Variants in NRG1 observed in about 807,000 individuals in gnomAD.
NRG1 encodes pro-neuregulin-1, membrane-bound isoform.
Under a neutral mutation model 63.8 loss-of-function variants are expected in NRG1, and 18 were observed. That is an observed-to-expected ratio of 0.28 (90% CI 0.19 to 0.42). The LOEUF is 0.42. Ranked by LOEUF, NRG1 falls within the 10% of genes least tolerant of loss-of-function variation. The pLI, the probability that NRG1 is intolerant of heterozygous loss-of-function variation, is 1.00. For missense variants in NRG1, 762 were observed against 814.7 expected (o/e 0.94, Z 0.79); for synonymous variants, 302 against 301.3 (o/e 1.00, Z -0.02).
In NRG1 at chr8:32,043,010, A is replaced by G. The variant is rs373552579; in HGVS notation, c.37+403579A>G. On this transcript the variant is annotated intron_variant, in intron 1 of 10. Coordinates refer to the NRG1 transcript ENST00000519301. The stretch of plus-strand genomic sequence containing the variant: ...TGTGTATGAACATGTACACAAACGT[A>G]TATAAACACCCTTATGTTTGAAGAA... Among the ~76,000 whole-genome samples, 7 of 132,600 alleles carry G rather than the reference A, an allele frequency of 5.3e-5. No homozygotes were observed. In the East Asian group the frequency reaches 1.1e-3, roughly 20 times the overall value. The allele number at this position is 132,600 out of a possible 152,430, so 87.0% of individuals were successfully genotyped here. A position where few individuals can be genotyped will look rare whatever the true frequency, so the allele number is the denominator to read the frequency against.
At chr8:32,263,067 T>A (rs1394108580) in intron 1 of NRG1, among the ~76,000 whole-genome samples, 1 of 152,216 alleles carries the variant, frequency 6.6e-6, no homozygotes, top group Non-Finnish European at 1.5e-5. Context: ...GAAATCTTTA[T>A]CTGATCTGTT....
intron 1 of NRG1, among the ~76,000 whole-genome samples, chr8:31,908,409 T>C (rs1011605239): frequency 6.6e-6 from 1 of 152,128 alleles, no homozygotes; most frequent in Admixed American, 6.5e-5. Context: ...TAGGGCTCCA[T>C]TTGTATGGAG....
intron 1 of NRG1, among the ~76,000 whole-genome samples, chr8:31,954,495 G>T (rs1804039794): frequency 6.6e-6 from 1 of 152,180 alleles, no homozygotes; most frequent in Non-Finnish European, 1.5e-5. Context: ...AGGTTCTCAA[G>T]AGGCATTTGT....
At chr8:32,094,653 A>T (rs1047630518) in intron 1 of NRG1, among the ~76,000 whole-genome samples, 1 of 152,148 alleles carries the variant, frequency 6.6e-6, no homozygotes, top group Non-Finnish European at 1.5e-5. Context: ...TATGTGTTTT[A>T]TCCTAATTTC....
intron 1 of NRG1, among the ~76,000 whole-genome samples, chr8:32,112,064 G>T (rs192815640): frequency 6.6e-6 from 1 of 152,256 alleles, no homozygotes; most frequent in Non-Finnish European, 1.5e-5. Flanking sequence ...ATAATTTATT[G>T]TTATATTGAA....
chr8:32,458,448 T>C (rs1821888405), intron 1 of NRG1, among the ~76,000 whole-genome samples: 1 of 152,246 alleles, frequency 6.6e-6, no homozygotes, highest in Non-Finnish European at 1.5e-5. Context: ...AAGAAGAAAT[T>C]AACCAGAGAC....
chr8:32,594,242 G>A (rs745792799), intron 1 of NRG1, among the ~76,000 whole-genome samples: 3 of 152,122 alleles, frequency 2.0e-5, no homozygotes, highest in Non-Finnish European at 2.9e-5. Context: ...CCCCTTACCC[G>A]GTGAATAATT....
chr8:32,165,599 G>A (rs1012993626), intron 1 of NRG1, among the ~76,000 whole-genome samples: 3 of 152,202 alleles, frequency 2.0e-5, no homozygotes, highest in Admixed American at 6.5e-5. Context: ...AGAGAAAGGA[G>A]TAATTCATTT....
intron 1 of NRG1, among the ~76,000 whole-genome samples, chr8:31,708,697 G>A (rs928108670): frequency 5.3e-5 from 8 of 151,950 alleles, no homozygotes; most frequent in East Asian, 1.9e-4. Context: ...CGCCCGCCTC[G>A]GCCTCCCAAA....
intron 1 of NRG1, among the ~76,000 whole-genome samples, chr8:32,201,807 G>T (rs769565501): frequency 1.1e-4 from 16 of 152,150 alleles, no homozygotes; most frequent in Non-Finnish European, 2.2e-4. Flanking sequence ...AGGACCATTG[G>T]TGTACTTATA....
At chr8:31,709,204 G>T (rs1433383666) in intron 1 of NRG1, among the ~76,000 whole-genome samples, 1 of 124,494 alleles carries the variant, frequency 8.0e-6, no homozygotes, top group Admixed American at 8.6e-5. Context: ...TTAATCAAGT[G>T]ATTTTTTTTT....
At chr8:32,534,015 A>G (rs900477703) in intron 1 of NRG1, among the ~76,000 whole-genome samples, 5 of 152,100 alleles carry the variant, frequency 3.3e-5, no homozygotes, top group African/African-American at 4.8e-5. Context: ...TAATTTTGGC[A>G]GTTTTTGTCA....
rs368296151 is a variant in NRG1, at chr8:32,409,064, T to C, written c.38-186764T>C. Among the ~76,000 whole-genome samples, 109 of 152,284 alleles carry C rather than the reference T, an allele frequency of 7.2e-4. 1 individual carries two copies. The South Asian group carries it at 0.02, about 28-fold the overall frequency. On this transcript the variant is annotated intron_variant, in intron 1 of 10. Coordinates refer to the NRG1 transcript ENST00000519301. Reference sequence around the variant, plus strand: ...TCCATCCATGTTGCTGCAAAAGACATGAATTGATTCTTTTGTATGGCTGAG... The same window carrying C: ...TCCATCCATGTTGCTGCAAAAGACACGAATTGATTCTTTTGTATGGCTGAG...
At chr8:32,558,574 GAGCCGC>G (rs1835661200) in intron 1 of NRG1, among the ~76,000 whole-genome samples, 2 of 152,144 alleles carry the variant, frequency 1.3e-5, no homozygotes, top group South Asian at 4.1e-4. Context: ...GTGTTTGGGA[GAGCCGC>G]AAAGTGGCTG....
intron 1 of NRG1, among the ~76,000 whole-genome samples, chr8:31,829,815 G>A (rs1232860789): frequency 6.6e-6 from 1 of 152,232 alleles, no homozygotes; most frequent in East Asian, 1.9e-4. Flanking sequence ...CAGGTGACAA[G>A]GCAAGAGGTG....
intron 1 of NRG1, among the ~76,000 whole-genome samples, chr8:31,766,458 A>T (rs1419203056): frequency 1.3e-5 from 2 of 152,170 alleles, no homozygotes; most frequent in Non-Finnish European, 2.9e-5. Context: ...AAATGTTCCT[A>T]TGGGAAGCTG....
At chr8:32,540,791 G>A (rs1341162966) in intron 1 of NRG1, among the ~76,000 whole-genome samples, 1 of 152,136 alleles carries the variant, frequency 6.6e-6, no homozygotes, top group Admixed American at 6.5e-5. Flanking sequence ...ATTTGAATTA[G>A]GTAGTTTCCA....
At chr8:31,995,360 C>A (rs892912567) in intron 1 of NRG1, among the ~76,000 whole-genome samples, 7 of 151,978 alleles carry the variant, frequency 4.6e-5, no homozygotes, top group African/African-American at 1.7e-4. Context: ...CCTATATTCT[C>A]CCCTTTGTTT....
Position 32,281,459 on chromosome 8 carries a change from C to T in NRG1, c.38-314369C>T, listed in dbSNP as rs1388961363. Among the ~76,000 whole-genome samples, 3 of 151,958 alleles carry T rather than the reference C, an allele frequency of 2.0e-5. No homozygotes were observed. In the East Asian group the frequency reaches 5.8e-4, roughly 29 times the overall value. On this transcript the variant is annotated intron_variant, in intron 1 of 10. Coordinates refer to the NRG1 transcript ENST00000519301. Reference sequence around the variant, plus strand: ...TCCCAAAGTACTTGGATTACAGCCACGAGCCATGGCACCCGGCTGGTAGTT... The same window carrying T: ...TCCCAAAGTACTTGGATTACAGCCATGAGCCATGGCACCCGGCTGGTAGTT...
Sources: gnomAD v4.1 joint callset for allele counts (sites outside exome capture counted in the v4.1 genomes callset) on GRCh38, gnomAD v4.1.1 for gene constraint, MANE v1.5 for transcripts, NCBI Gene and HGNC (gene_info 2026-07-23, HGNC 2026-07-21) for gene names.